ASF1A: variants seen among roughly 807,000 people sequenced by gnomAD.
ASF1A encodes the protein anti-silencing function 1A histone chaperone.
A neutral mutation model predicts 22.0 loss-of-function variants in ASF1A; 5 were observed. The observed-to-expected ratio is 0.23, with a 90% CI of 0.12 to 0.48. ASF1A has a LOEUF of 0.48. ASF1A is among the 20% of genes least tolerant of loss of function. ASF1A has a pLI of 0.99. For missense variants in ASF1A, 137 were observed against 240.6 expected (o/e 0.57, Z 2.85); for synonymous variants, 97 against 86.7 (o/e 1.12, Z -0.66).
chr6:118,901,965 T>C (rs1183685998), intron 2 of ASF1A, among the ~76,000 whole-genome samples: 1 of 152,182 alleles, frequency 6.6e-6, no homozygotes, highest in Non-Finnish European at 1.5e-5. Flanking sequence ...GCTGCTACCT[T>C]TCCCTCCCCT....
At position 118,894,219 on chromosome 6, in the gene ASF1A, T is replaced by C. The variant is rs1779178156; in HGVS notation, c.-195T>C. ...CAGAGCAGAATGGGCTGTAGTTTAGTGAAATAGGAAAGCTGCAAAACACTG... is the reference window on the plus strand; with the variant it reads ...CAGAGCAGAATGGGCTGTAGTTTAGCGAAATAGGAAAGCTGCAAAACACTG... On this transcript the variant is annotated 5_prime_UTR_variant, in exon 1 of 4. Coordinates refer to ENST00000229595, the MANE Select transcript of ASF1A (RefSeq NM_014034.3). 7.1e-7 allele frequency: 1 copy of C among 1,410,360 alleles called. No homozygotes were observed. The highest frequency in any genetic ancestry group is 2.6e-4 in the Middle Eastern group (1 of 3,810). 87.4% of individuals were successfully genotyped at this position (1,410,360 alleles called of 1,614,324 possible). A position where few individuals can be genotyped will look rare whatever the true frequency, so the allele number is the denominator to read the frequency against.
intron 3 of ASF1A, among the ~76,000 whole-genome samples, chr6:118,907,118 C>G (rs1253973426): frequency 6.6e-6 from 1 of 152,122 alleles, no homozygotes; most frequent in Non-Finnish European, 1.5e-5. Flanking sequence ...GAGATTCTTT[C>G]TTTTAGAAAA....
intron 2 of ASF1A, 143 bp from the exon 3 acceptor site, chr6:118,905,509 G>A (rs1378526592): frequency 6.7e-6 from 4 of 600,798 alleles, no homozygotes; most frequent in African/African-American, 3.7e-5. Context: ...AGTCAGAAAT[G>A]AGCATTTTCC....
chr6:118,898,552 G>C (rs927128923), intron 1 of ASF1A, among the ~76,000 whole-genome samples: 18 of 151,758 alleles, frequency 1.2e-4, no homozygotes, highest in Admixed American at 1.2e-3. Context: ...AGCCTCCCGA[G>C]TAGCTGGGAC....
In ASF1A at chr6:118,897,763, AC is replaced by A. The variant is rs566632494; in HGVS notation, c.110-3002del. Among the ~76,000 whole-genome samples the A allele has an allele frequency of 4.9e-4, 75 of 152,240 alleles. 1 individual carries two copies. Among genetic ancestry groups the A allele is most frequent in the African/African-American group, 1.2e-3 (51 of 41,566 alleles). On this transcript the variant is annotated intron_variant, in intron 1 of 3. Coordinates refer to ENST00000229595, the MANE Select transcript of ASF1A (RefSeq NM_014034.3). ...TTCTTCACCTGAGAACTTATGTAAAACATCTGACCTTACCCTTCCTCCCTCA... is the reference window on the plus strand; with the variant it reads ...TTCTTCACCTGAGAACTTATGTAAAAATCTGACCTTACCCTTCCTCCCTCA...
intron 1 of ASF1A, among the ~76,000 whole-genome samples, chr6:118,894,754 AGCGGAGGT>A (rs1284811978): frequency 6.6e-6 from 1 of 150,742 alleles, no homozygotes; most frequent in African/African-American, 2.5e-5. Flanking sequence ...TGAGCGGAGG[AGCGGAGGT>A]AGCCATGTTG....
intron 2 of ASF1A, among the ~76,000 whole-genome samples, chr6:118,901,650 C>CA (rs1484012083): frequency 6.6e-6 from 1 of 152,128 alleles, no homozygotes; most frequent in Non-Finnish European, 1.5e-5. Flanking sequence ...TGGAACCATT[C>CA]AGTTATTCCT....
intron 1 of ASF1A, among the ~76,000 whole-genome samples, chr6:118,898,237 A>C (rs1016612629): frequency 6.6e-6 from 1 of 152,200 alleles, no homozygotes; most frequent in Admixed American, 6.5e-5. Flanking sequence ...TTGAGGTTTA[A>C]ACAATAGGTA....
rs558231355 is a variant in ASF1A at position 118,895,683 on chromosome 6, T to G, written c.109+1161T>G. Among the ~76,000 whole-genome samples the G allele has an allele frequency of 3.9e-5, 6 of 152,348 alleles. No individual in the cohort carries two copies. The East Asian group carries it at 1.2e-3, about 29-fold the overall frequency. On this transcript the variant is annotated intron_variant, in intron 1 of 3. Transcript: ENST00000229595. Reference sequence around the variant, plus strand: ...AGAAAGCTAAAACGACAATTATCTTTGCTTTAATTATCTTTTACTAAAGTA... The same window carrying G: ...AGAAAGCTAAAACGACAATTATCTTGGCTTTAATTATCTTTTACTAAAGTA...
chr6:118,901,430 T>C (rs1240124690), intron 2 of ASF1A, among the ~76,000 whole-genome samples: 1 of 152,140 alleles, frequency 6.6e-6, no homozygotes, highest in Non-Finnish European at 1.5e-5. Flanking sequence ...ATTCCAGAGT[T>C]TACTAAAGCA....
chr6:118,895,575 T>G (rs1779339157), intron 1 of ASF1A, among the ~76,000 whole-genome samples: 1 of 152,160 alleles, frequency 6.6e-6, no homozygotes. Context: ...CTCATGTCAG[T>G]CCAAGAATTC....
chr6:118,896,042 T>C (rs1387785817), intron 1 of ASF1A, among the ~76,000 whole-genome samples: 1 of 73,374 alleles, frequency 1.4e-5, no homozygotes, highest in African/African-American at 6.9e-5. Context: ...TGTGCCCCCG[T>C]TTTTTTTTTT....
intron 3 of ASF1A, among the ~76,000 whole-genome samples, chr6:118,906,080 C>G (rs1344870009): frequency 6.6e-6 from 1 of 151,876 alleles, no homozygotes; most frequent in Non-Finnish European, 1.5e-5. Flanking sequence ...GAAAGTACCT[C>G]TTTTTTTTCT....
chr6:118,900,159 A>G (rs183122296), intron 1 of ASF1A, among the ~76,000 whole-genome samples: 1 of 152,098 alleles, frequency 6.6e-6, no homozygotes, highest in Non-Finnish European at 1.5e-5. Flanking sequence ...TAAAGAATGT[A>G]TGACACAGGG....
At chr6:118,900,532 T>G (rs751951953) in intron 1 of ASF1A, among the ~76,000 whole-genome samples, 11 of 152,236 alleles carry the variant, frequency 7.2e-5, no homozygotes, top group Non-Finnish European at 1.5e-4. Context: ...TTATCTTGTT[T>G]GTGAGGCACT....
At chr6:118,898,636 T>C (rs1011731003) in intron 1 of ASF1A, among the ~76,000 whole-genome samples, 1 of 152,152 alleles carries the variant, frequency 6.6e-6, no homozygotes, top group Non-Finnish European at 1.5e-5. Context: ...CAGGCTGGTC[T>C]CGAACTCCTG....
intron 3 of ASF1A, among the ~76,000 whole-genome samples, chr6:118,906,206 G>A (rs1780167506): frequency 6.6e-6 from 1 of 152,138 alleles, no homozygotes. Context: ...CCAAGTAGCT[G>A]GGACTACAGG....
At chr6:118,904,503 C>T (rs1028690869) in intron 2 of ASF1A, among the ~76,000 whole-genome samples, 2 of 152,236 alleles carry the variant, frequency 1.3e-5, no homozygotes, top group Non-Finnish European at 2.9e-5. Context: ...CCTCAGCCAT[C>T]ACTGCCTGTG....
At chr6:118,904,137 G>C (rs1021557754) in intron 2 of ASF1A, among the ~76,000 whole-genome samples, 1 of 152,176 alleles carries the variant, frequency 6.6e-6, no homozygotes, top group Admixed American at 6.5e-5. Context: ...CAGTGCAAAT[G>C]ATAGGCTAGA....
Sources: allele counts gnomAD v4.1 joint callset (sites outside exome capture counted in the v4.1 genomes callset), GRCh38; gene constraint gnomAD v4.1.1; transcripts MANE v1.5; gene names NCBI Gene and HGNC (gene_info 2026-07-23, HGNC 2026-07-21).